The following SPTLC3 variants were observed in gnomAD, a reference collection of about 807,000 sequenced individuals.
SPTLC3 encodes the protein serine palmitoyltransferase 3.
In SPTLC3, 36 loss-of-function variants were observed where a neutral mutation model predicts 59.3. The ratio of observed to expected loss-of-function variants is 0.61; its 90% CI spans 0.47 to 0.80. The LOEUF is 0.80. SPTLC3 is among the 30% of genes least tolerant of loss of function. SPTLC3 has a pLI of 0.00. For synonymous variants in SPTLC3, 257 were observed against 240.8 expected (o/e 1.07, Z -0.62); for missense variants, 625 against 685.1 (o/e 0.91, Z 0.98).
intron 4 of SPTLC3, among the ~76,000 whole-genome samples, chr20:13,083,581 C>A (rs1285695724): frequency 1.3e-5 from 2 of 152,118 alleles, no homozygotes; most frequent in Admixed American, 6.5e-5. Flanking sequence ...AAGCTCATGC[C>A]AAAGTCCAGA....
intron 2 of SPTLC3, among the ~76,000 whole-genome samples, chr20:13,057,738 G>A (rs956280315): frequency 2.0e-5 from 3 of 152,132 alleles, no homozygotes; most frequent in Admixed American, 6.5e-5. Flanking sequence ...GCTTAAATGC[G>A]ACTCTTTAGT....
intron 1 of SPTLC3, among the ~76,000 whole-genome samples, chr20:13,038,773 G>T (rs533259520): frequency 8.6e-5 from 13 of 151,992 alleles, no homozygotes; most frequent in South Asian, 2.1e-4. Context: ...TAAAATAGAG[G>T]CATTAGAGCT....
chr20:13,099,298 G>A (rs532868761), intron 6 of SPTLC3, among the ~76,000 whole-genome samples: 2 of 152,256 alleles, frequency 1.3e-5, no homozygotes, highest in Admixed American at 6.5e-5. Context: ...CCTAGAAGCC[G>A]GAAAAACCAA....
chr20:13,019,014 T>C (rs780553377), intron 1 of SPTLC3, among the ~76,000 whole-genome samples: 1 of 152,304 alleles, frequency 6.6e-6, no homozygotes, highest in Non-Finnish European at 1.5e-5. Context: ...ACTTCATCTA[T>C]CTATCACAGT....
intron 9 of SPTLC3, among the ~76,000 whole-genome samples, chr20:13,141,710 G>A (rs555014614): frequency 2.8e-4 from 42 of 152,296 alleles, no homozygotes; most frequent in African/African-American, 9.9e-4. Context: ...AGAGGCTGAG[G>A]GCATGGAGAG....
At chr20:13,054,768 T>C (rs892755267) in intron 2 of SPTLC3, among the ~76,000 whole-genome samples, 11 of 152,160 alleles carry the variant, frequency 7.2e-5, no homozygotes, top group African/African-American at 2.7e-4. Flanking sequence ...GGAAAAAGTC[T>C]CAGTGGGATA....
At chr20:13,041,920 T>G (rs184788406) in intron 1 of SPTLC3, among the ~76,000 whole-genome samples, 2 of 152,196 alleles carry the variant, frequency 1.3e-5, no homozygotes, top group African/African-American at 4.8e-5. Flanking sequence ...TGACTGTGCC[T>G]TCCCAAATCA....
At chr20:13,111,946 G>C (rs375562691) in intron 7 of SPTLC3, among the ~76,000 whole-genome samples, 14 of 152,128 alleles carry the variant, frequency 9.2e-5, no homozygotes, top group Non-Finnish European at 1.9e-4. Flanking sequence ...GCCATGCCAG[G>C]CGCCTGCATC....
chr20:13,121,283 G>A (rs1600320090), intron 8 of SPTLC3, among the ~76,000 whole-genome samples: 1 of 152,168 alleles, frequency 6.6e-6, no homozygotes, highest in East Asian at 1.9e-4. Flanking sequence ...GAAGGGAACT[G>A]GGACAGGGCA....
intron 8 of SPTLC3, among the ~76,000 whole-genome samples, chr20:13,121,876 C>T (rs531802081): frequency 2.0e-5 from 3 of 152,214 alleles, no homozygotes; most frequent in Non-Finnish European, 4.4e-5. Context: ...AGTGCTGCAC[C>T]GATGAGGTAT....
rs186969884 is a variant in SPTLC3 at position 13,025,765 on chromosome 20, A to G, written c.117+16381A>G. Reference sequence around the variant, plus strand: ...CTATTTTAGGTTCAGGGGTACATGCACAGGCCTGTTATATAGGTAAACTTG... The same window carrying G: ...CTATTTTAGGTTCAGGGGTACATGCGCAGGCCTGTTATATAGGTAAACTTG... On this transcript the variant is annotated intron_variant, in intron 1 of 11. Transcript: ENST00000399002. Among the ~76,000 whole-genome samples the G allele has an allele frequency of 1.4e-3, 217 of 152,076 alleles. 1 individual carries two copies. Among genetic ancestry groups the G allele is most frequent in the African/African-American group, 5.0e-3 (207 of 41,490 alleles).
chr20:13,111,712 T>A (rs1990242496), intron 7 of SPTLC3, among the ~76,000 whole-genome samples: 1 of 152,166 alleles, frequency 6.6e-6, no homozygotes, highest in Admixed American at 6.5e-5. Context: ...CAGGCCTAGA[T>A]TCGTGGGAAC....
At position 13,126,572 on chromosome 20, in the gene SPTLC3, T is replaced by A. The variant is rs2037996842; in HGVS notation, c.1153-19T>A. ...GAGATTTATTTGCCTTCTTTTTGGG[T>A]TTCCCCTCTTTATTTAAGGACCTCG... On this transcript the variant is annotated intron_variant, in intron 8 of 11. Coordinates refer to ENST00000399002, the MANE Select transcript of SPTLC3 (RefSeq NM_018327.4). 6.2e-7 allele frequency: 1 copy of A among 1,612,876 alleles called. No individual in the cohort carries two copies. Among genetic ancestry groups the A allele is most frequent in the African/African-American group, 1.3e-5 (1 of 74,898 alleles).
At chr20:13,072,879 T>C (rs1376790573) in intron 3 of SPTLC3, among the ~76,000 whole-genome samples, 3 of 152,242 alleles carry the variant, frequency 2.0e-5, no homozygotes, top group Non-Finnish European at 2.9e-5. Flanking sequence ...CCCAACTTCA[T>C]CATGGGTTTA....
chr20:13,110,831 C>T (rs758748768), intron 7 of SPTLC3, among the ~76,000 whole-genome samples: 74 of 151,892 alleles, frequency 4.9e-4, no homozygotes, highest in Non-Finnish European at 5.4e-4. Flanking sequence ...ACAATCCTGA[C>T]GTTAGGCAAA....
intron 8 of SPTLC3, among the ~76,000 whole-genome samples, chr20:13,125,467 G>A (rs1034228816): frequency 3.3e-5 from 5 of 152,062 alleles, no homozygotes; most frequent in Admixed American, 6.6e-5. Flanking sequence ...GCCTCCATTC[G>A]TTTTTGCTGT....
At chr20:13,040,562 G>T (rs1986934979) in intron 1 of SPTLC3, among the ~76,000 whole-genome samples, 1 of 152,066 alleles carries the variant, frequency 6.6e-6, no homozygotes, top group Admixed American at 6.6e-5. Flanking sequence ...GTTTCACCAT[G>T]TTGGCCAGGA....
At chr20:13,074,601 T>C in intron 4 of SPTLC3, 104 bp downstream of exon 4, 2 of 1,264,172 alleles carry the variant, frequency 1.6e-6, no homozygotes, top group Non-Finnish European at 2.1e-6. Flanking sequence ...CTTAAAAAGG[T>C]GTTATAAACT....
At chr20:13,088,306 TTTG>T (rs200006260) in intron 4 of SPTLC3, among the ~76,000 whole-genome samples, 6 of 152,088 alleles carry the variant, frequency 3.9e-5, no homozygotes, top group Admixed American at 2.6e-4. Context: ...ACACTTGTTT[TTTG>T]TTGTTGTTGT....
Sources: allele counts gnomAD v4.1 joint callset (sites outside exome capture counted in the v4.1 genomes callset), GRCh38; gene constraint gnomAD v4.1.1; transcripts MANE v1.5; gene names NCBI Gene and HGNC (gene_info 2026-07-23, HGNC 2026-07-21).